EMX1: variants seen among roughly 807,000 people sequenced by gnomAD.
The protein encoded by EMX1 is empty spiracles homeobox 1.
Under a neutral mutation model 20.1 loss-of-function variants are expected in EMX1, and 10 were observed. The observed-to-expected ratio is 0.50, with a 90% CI of 0.31 to 0.84. The LOEUF is 0.84. EMX1 is among the 40% of genes least tolerant of loss of function. EMX1 has a pLI of 0.05. For synonymous variants in EMX1, 250 were observed against 200.4 expected (o/e 1.25, Z -2.09); for missense variants, 424 against 431.9 (o/e 0.98, Z 0.16).
chr2:72,920,868 C>T (rs1010505696), intron 1 of EMX1, among the ~76,000 whole-genome samples: 4 of 152,364 alleles, frequency 2.6e-5, no homozygotes, highest in Middle Eastern at 6.8e-3. Context: ...CAGGAACTTT[C>T]CGGGTCTAGG....
chr2:72,934,422 A>G lies in EMX1; in HGVS notation c.*468A>G, dbSNP rs2077586. Reference sequence around the variant, plus strand: ...TCTGAGGGCCAGTGGGGGCTGGTAGAGCAAACGCGTTCAGGGCCTGGGAGC... The same window carrying G: ...TCTGAGGGCCAGTGGGGGCTGGTAGGGCAAACGCGTTCAGGGCCTGGGAGC... On this transcript the variant is annotated 3_prime_UTR_variant, in exon 3 of 3. Coordinates refer to ENST00000258106, the MANE Select transcript of EMX1 (RefSeq NM_004097.3). 45,223 of 156,100 alleles carry G rather than the reference A, an allele frequency of 0.29. 6,840 individuals carry two copies. The highest frequency in any genetic ancestry group is 0.39 in the Admixed American group (6,151 of 15,882). 9.7% of individuals were successfully genotyped at this position (156,100 alleles called of 1,614,324 possible).
intron 1 of EMX1, among the ~76,000 whole-genome samples, chr2:72,918,717 C>A (rs2105260875): frequency 6.6e-6 from 1 of 152,356 alleles, no homozygotes; most frequent in East Asian, 1.9e-4. Context: ...GAGTACAACT[C>A]CTCCCGCTCT....
intron 1 of EMX1, among the ~76,000 whole-genome samples, 166 bp downstream of exon 1, chr2:72,918,538 C>A (rs891716919): frequency 6.6e-6 from 1 of 152,262 alleles, no homozygotes; most frequent in Non-Finnish European, 1.5e-5. Flanking sequence ...GGCATCCACC[C>A]GCGCCTTCGC....
chr2:72,917,140 A>G (rs947934476), upstream of EMX1: 3 of 612,998 alleles, frequency 4.9e-6, no homozygotes, highest in African/African-American at 3.7e-5. Flanking sequence ...GACCCCAAAC[A>G]TCCACCCTCC....
At position 72,918,050 on chromosome 2, in the gene EMX1, C is replaced by G; in HGVS notation, c.198C>G (p.Ser66=). The part of the protein sequence containing the change: ...GGGTGGGGAG[S]HLLAAAASEE... Reference sequence around the variant, plus strand: ...GCACTGGCGGCGGGGGCGCGGGCTCCCATCTCCTGGCGGCGGCCGCCTCCG... The same window carrying G: ...GCACTGGCGGCGGGGGCGCGGGCTCGCATCTCCTGGCGGCGGCCGCCTCCG... Residue 66 remains serine (S), a synonymous_variant, in exon 1 of 3, where the codon TCC becomes TCG. Transcript: ENST00000258106. 7.0e-7 allele frequency: 1 copy of G among 1,419,528 alleles called. No homozygotes were observed. Among genetic ancestry groups the G allele is most frequent in the Non-Finnish European group, 9.1e-7 (1 of 1,096,152 alleles). 87.9% of individuals were successfully genotyped at this position (1,419,528 alleles called of 1,614,324 possible). A position where few individuals can be genotyped will look rare whatever the true frequency, so the allele number is the denominator to read the frequency against.
chr2:72,933,612 G>GA, intron 2 of EMX1, 175 bp from the exon 3 acceptor site: 1 of 679,508 alleles, frequency 1.5e-6, no homozygotes, highest in South Asian at 2.0e-5. Flanking sequence ...CCCCTTCTGT[G>GA]AATGTTAGAC....
At chr2:72,923,791 C>G in intron 1 of EMX1, 1 of 204,464 alleles carries the variant, frequency 4.9e-6, no homozygotes, top group Non-Finnish European at 1.0e-5. Flanking sequence ...GTGCCTAGCA[C>G]CCCGCTGCTC....
At chr2:72,924,585 G>A in intron 2 of EMX1, 92 bp downstream of exon 2, 2 of 1,404,016 alleles carry the variant, frequency 1.4e-6, no homozygotes, top group South Asian at 1.5e-5. Flanking sequence ...GCCCGCCCCA[G>A]CCCAGCCCTG....
Position 72,924,415 on chromosome 2 carries a change from C to A in EMX1, c.627C>A (p.Arg209=). ...CCTCGCAGCTGCTGCGGCTGGAGCG[C>A]GCCTTCGAGAAGAACCACTACGTGG... ...FSPSQLLRLE[R]AFEKNHYVVG... is the part of the protein sequence containing the mutation. Residue 209 remains arginine, a synonymous_variant, in exon 2 of 3, where the codon CGC becomes CGA. Transcript: ENST00000258106. 6.3e-7 allele frequency: 1 copy of A among 1,594,252 alleles called. No homozygotes were observed. The highest frequency in any genetic ancestry group is 8.5e-7 in the Non-Finnish European group (1 of 1,175,442).
At chr2:72,933,112 A>C (rs1573901393) in intron 2 of EMX1, 1 of 152,286 alleles carries the variant, frequency 6.6e-6, no homozygotes, top group Non-Finnish European at 1.5e-5. Flanking sequence ...AGAGAGCTAC[A>C]TGAGGTTGCT....
chr2:72,932,446 C>G (rs914374771), intron 2 of EMX1, among the ~76,000 whole-genome samples: 2 of 152,212 alleles, frequency 1.3e-5, no homozygotes, highest in African/African-American at 4.8e-5. Context: ...TACCCAGGAT[C>G]CTCCTGCCAA....
At chr2:72,924,678 C>T (rs1483398988) in intron 2 of EMX1, among the ~76,000 whole-genome samples, 185 bp downstream of exon 2, 1 of 152,248 alleles carries the variant, frequency 6.6e-6, no homozygotes, top group African/African-American at 2.4e-5. Flanking sequence ...TGCGTGCAGC[C>T]TGCTGAGCCC....
chr2:72,918,024 G>A lies in EMX1; in HGVS notation c.172G>A (p.Gly58Ser), dbSNP rs1671002658. 4.9e-6 allele frequency: 7 copies of A among 1,428,126 alleles called. No individual in the cohort carries two copies. The highest frequency in any genetic ancestry group is 6.4e-6 in the Non-Finnish European group (7 of 1,100,244). 88.5% of individuals were successfully genotyped at this position (1,428,126 alleles called of 1,614,324 possible). Residue 58 changes from glycine to serine, a missense_variant, in exon 1 of 3, where the codon GGC becomes AGC. Transcript: ENST00000258106. ...GGCCAAGGACGGCGGCACCGGCGGG[G>A]GCACTGGCGGCGGGGGCGCGGGCTC... ...LVAKDGGTGG[G>S]TGGGGAGSHL...
intron 1 of EMX1, among the ~76,000 whole-genome samples, chr2:72,919,569 A>C (rs1009957970): frequency 1.3e-5 from 2 of 152,210 alleles, no homozygotes; most frequent in African/African-American, 2.4e-5. Flanking sequence ...TTAGATAATA[A>C]AATGAAAATT....
chr2:72,918,450 C>T (rs1333658421), intron 1 of EMX1, 78 bp downstream of exon 1: 1 of 1,343,224 alleles, frequency 7.4e-7, no homozygotes. Context: ...CTCGGGGGCG[C>T]GCGGGGCTGT....
At position 72,917,718 on chromosome 2, in the gene EMX1, G is replaced by A. The variant is rs1670992315; in HGVS notation, c.-135G>A. The A allele has an allele frequency of 2.3e-6, 2 of 862,230 alleles. No homozygotes were observed. The highest frequency in any genetic ancestry group is 1.8e-5 in the African/African-American group (1 of 56,170). 53.4% of individuals were successfully genotyped at this position (862,230 alleles called of 1,614,324 possible). On this transcript the variant is annotated 5_prime_UTR_variant, in exon 1 of 3. Transcript: ENST00000258106. ...TGCCCGCTCCGCCGCAGCAGCCGCC[G>A]CGCCTGGCCGTACGCTGTGGCCGGA... is the stretch of plus-strand genomic sequence containing the variant.
chr2:72,918,170 C>A lies in EMX1; in HGVS notation c.318C>A (p.Gly106=). 1.3e-6 allele frequency: 2 copies of A among 1,513,522 alleles called. No homozygotes were observed. The highest frequency in any genetic ancestry group is 1.5e-5 in the African/African-American group (1 of 68,934). The allele number at this position is 1,513,522 out of a possible 1,614,324, so 93.8% of individuals were successfully genotyped here. Residue 106 remains glycine (G), a synonymous_variant, in exon 1 of 3, where the codon GGC becomes GGA. Transcript: ENST00000258106. ...GCTTCCCTGCCGCGGCCGCCGCGGG[C>A]GCGGGCCGCTCGCTCTACGGTGGGC... ...VSGFPAAAAA[G]AGRSLYGGPE...
intron 1 of EMX1, chr2:72,923,973 C>G (rs900529577): frequency 4.3e-6 from 2 of 460,688 alleles, no homozygotes; most frequent in East Asian, 4.0e-5. Flanking sequence ...ACCCCTTGGC[C>G]TCTTCCGCTG....
intron 2 of EMX1, 185 bp from the exon 3 acceptor site, chr2:72,933,602 C>A (rs1255555753): frequency 3.1e-6 from 2 of 645,878 alleles, no homozygotes; most frequent in Admixed American, 5.9e-5. Context: ...GCCCTGCCAT[C>A]CCCTTCTGTG....
Sources: gnomAD v4.1 joint callset for allele counts (sites outside exome capture counted in the v4.1 genomes callset) on GRCh38, gnomAD v4.1.1 for gene constraint, MANE v1.5 for transcripts, NCBI Gene and HGNC (gene_info 2026-07-23, HGNC 2026-07-21) for gene names.